NR6A1: variants seen among roughly 807,000 people sequenced by gnomAD.
NR6A1 encodes the protein retinoic acid receptor-related testis-associated receptor.
NR6A1 carries 7 observed loss-of-function variants against 59.1 expected under a neutral mutation model. The ratio of observed to expected loss-of-function variants is 0.12; its 90% confidence interval spans 0.07 to 0.22. NR6A1 has a LOEUF of 0.22. Among genes scored for constraint, NR6A1 ranks in the 10% least tolerant of loss-of-function variants. The pLI, the probability that NR6A1 is intolerant of heterozygous loss-of-function variation, is 1.00. For missense variants in NR6A1, 468 were observed against 611.6 expected, an observed-to-expected ratio of 0.77 and a Z score of 2.48; for synonymous variants, 243 against 236.1, an observed-to-expected ratio of 1.03 and a Z score of -0.27.
At chr9:124,636,713 G>C (rs564070938) in intron 2 of NR6A1, among the ~76,000 whole-genome samples, 1 of 152,278 alleles carries the variant, frequency 6.6e-6, no homozygotes, top group South Asian at 2.1e-4. Flanking sequence ...CTATGTCAAA[G>C]ATCAGTTGAC....
At chr9:124,739,187 CAAA>C (rs914049465) in intron 1 of NR6A1, among the ~76,000 whole-genome samples, 3 of 80,452 alleles carry the variant, frequency 3.7e-5, no homozygotes, top group Non-Finnish European at 5.1e-5. Flanking sequence ...GACTCCATCT[CAAA>C]AAAAAAAAAA....
At chr9:124,693,512 C>T (rs1838635199) in intron 2 of NR6A1, among the ~76,000 whole-genome samples, 1 of 152,210 alleles carries the variant, frequency 6.6e-6, no homozygotes, top group African/African-American at 2.4e-5. Flanking sequence ...CCTTCCTTCT[C>T]TGAACCACAG....
At chr9:124,551,126 T>C (rs1331220390) in intron 3 of NR6A1, among the ~76,000 whole-genome samples, 1 of 152,116 alleles carries the variant, frequency 6.6e-6, no homozygotes, top group African/African-American at 2.4e-5. Flanking sequence ...TACCCCAGCC[T>C]TGGAATCAAC....
At chr9:124,650,924 C>T (rs1316432024) in intron 2 of NR6A1, among the ~76,000 whole-genome samples, 2 of 152,210 alleles carry the variant, frequency 1.3e-5, no homozygotes, top group Non-Finnish European at 2.9e-5. Flanking sequence ...ACCACCACCA[C>T]TCTCCAAACC....
At chr9:124,666,601 T>C (rs1355474220) in intron 2 of NR6A1, among the ~76,000 whole-genome samples, 1 of 152,200 alleles carries the variant, frequency 6.6e-6, no homozygotes, top group East Asian at 1.9e-4. Context: ...TCTAATACCA[T>C]TACATTTTGT....
chr9:124,749,608 T>C lies in NR6A1; in HGVS notation c.101-16259A>G, dbSNP rs1840437983. On this transcript the variant is annotated intron_variant, in intron 1 of 9. Transcript: ENST00000487099. Reference sequence around the variant, plus strand: ...CTATGTTGCCCAGGCTGTAGTGCAGTGGCCATTCACAGGAACAATCATAAT... The same window carrying C: ...CTATGTTGCCCAGGCTGTAGTGCAGCGGCCATTCACAGGAACAATCATAAT... Among the ~76,000 whole-genome samples, 4 of 152,056 alleles carry C rather than the reference T, an allele frequency of 2.6e-5. No individual in the cohort carries two copies. The South Asian group carries it at 8.3e-4, about 31-fold the overall frequency.
In NR6A1 at chr9:124,522,729, G is replaced by A. The variant is rs886733887; in HGVS notation, c.1419C>T (p.Cys473=). The change falls in exon 10 of 10, where the codon TGC becomes TGT. Residue 473 remains cysteine (C), a synonymous_variant. Coordinates refer to ENST00000487099, the MANE Select transcript of NR6A1 (RefSeq NM_033334.4). ...GTCATTCCTTGCCCACACTGGTCTTGCAGGAATGCAGCACCACCTTAAAGA... is the reference window on the plus strand; with the variant it reads ...GTCATTCCTTGCCCACACTGGTCTTACAGGAATGCAGCACCACCTTAAAGA... ...PLLFKVVLHS[C]KTSVGKE 3.8e-6 allele frequency: 6 copies of A among 1,588,204 alleles called. No individual in the cohort carries two copies. The African/African-American group carries it at 6.7e-5, about 18-fold the overall frequency.
In NR6A1 at chr9:124,699,689, CT is replaced by C. The variant is rs535684251; in HGVS notation, c.142+33618del. Among the ~76,000 whole-genome samples, 91 of 152,290 alleles carry C rather than the reference CT, an allele frequency of 6.0e-4. 1 individual carries two copies. In the South Asian group the frequency reaches 0.018, roughly 31 times the overall value. ...CTGTTGTAAGTGTATAATTCAATGA[CT>C]TTTATTCATTCATTTATAGACTTGT... On this transcript the variant is annotated intron_variant, in intron 2 of 9. Coordinates refer to ENST00000487099, the MANE Select transcript of NR6A1 (RefSeq NM_033334.4).
chr9:124,761,264 T>C (rs946926944), intron 1 of NR6A1, among the ~76,000 whole-genome samples: 11 of 152,186 alleles, frequency 7.2e-5, no homozygotes, highest in Admixed American at 4.6e-4. Flanking sequence ...GTACATTACA[T>C]GAAACTCCAA....
intron 2 of NR6A1, among the ~76,000 whole-genome samples, chr9:124,667,847 A>C (rs1253616874): frequency 1.3e-5 from 2 of 152,258 alleles, no homozygotes; most frequent in African/African-American, 4.8e-5. Context: ...GAACAAAAAT[A>C]TAAAGACAAA....
chr9:124,640,539 A>G (rs1836741265), intron 2 of NR6A1, among the ~76,000 whole-genome samples: 1 of 152,076 alleles, frequency 6.6e-6, no homozygotes, highest in Admixed American at 6.6e-5. Flanking sequence ...GGCTAGGGCT[A>G]CAGGAGTATG....
At chr9:124,578,197 A>T (rs537430188) in intron 2 of NR6A1, among the ~76,000 whole-genome samples, 2 of 152,276 alleles carry the variant, frequency 1.3e-5, no homozygotes, top group African/African-American at 4.8e-5. Flanking sequence ...CTTTTCTACC[A>T]ATATTCTCTC....
rs537938815 is a variant in NR6A1 at position 124,536,092 on chromosome 9, G to A, written c.865C>T (p.Arg289Cys). 11 of 1,614,046 alleles carry A rather than the reference G, an allele frequency of 6.8e-6. No individual in the cohort carries two copies. Among genetic ancestry groups the A allele is most frequent in the African/African-American group, 1.3e-5 (1 of 75,058 alleles). ...TQAELFALLC[R>C]LADELLFRQI... is the part of the protein sequence containing the mutation. ...CTAAAGAGCAGCTCGTCGGCCAGGC[G>A]GCAAAGCAGGGCAAATAGTTCTGCC... is the stretch of plus-strand genomic sequence containing the variant. The change falls in exon 7 of 10, where the codon CGC (arginine) becomes TGC (cysteine). Residue 289 changes from arginine to cysteine, a missense_variant. Arg to Cys is a radical substitution (Grantham distance 180). Transcript: ENST00000487099.
At chr9:124,588,671 G>A (rs142353881) in intron 2 of NR6A1, among the ~76,000 whole-genome samples, 2,661 of 146,720 alleles carry the variant, frequency 0.018, 81 homozygotes, top group African/African-American at 0.062. Flanking sequence ...GGTAATCCCA[G>A]CACTTTGGGA....
chr9:124,575,117 C>A (rs1834551387), intron 2 of NR6A1, among the ~76,000 whole-genome samples: 1 of 152,306 alleles, frequency 6.6e-6, no homozygotes, highest in Non-Finnish European at 1.5e-5. Context: ...CAAAAGAAGC[C>A]TACCGCCTGT....
chr9:124,685,918 G>T lies in NR6A1; in HGVS notation c.142+47390C>A, dbSNP rs573963030. 2.6e-5 allele frequency among the ~76,000 whole-genome samples: 4 copies of T among 152,246 alleles called. No individual in the cohort carries two copies. The East Asian group carries it at 7.7e-4, about 29-fold the overall frequency. On this transcript the variant is annotated intron_variant, in intron 2 of 9. Transcript: ENST00000487099. Reference sequence around the variant, plus strand: ...TTATGAAAGTATGAGGTAGATCTAAGCATAGCTTTTCTACAGAACACACAT... The same window carrying T: ...TTATGAAAGTATGAGGTAGATCTAATCATAGCTTTTCTACAGAACACACAT...
At chr9:124,646,653 A>C (rs1836938840) in intron 2 of NR6A1, among the ~76,000 whole-genome samples, 1 of 152,204 alleles carries the variant, frequency 6.6e-6, no homozygotes, top group Non-Finnish European at 1.5e-5. Context: ...ACTAACACTA[A>C]CAATAGCTAA....
rs541767235 is a variant in NR6A1, at chr9:124,662,213, C to G, written c.142+71095G>C. On this transcript the variant is annotated intron_variant, in intron 2 of 9. Transcript: ENST00000487099. The stretch of plus-strand genomic sequence containing the variant: ...TCATGGCCAGAGTACGTGAAATGCT[C>G]CAGAATGGTACTAATTTAGTGTCAA... 3.3e-5 allele frequency among the ~76,000 whole-genome samples: 5 copies of G among 152,152 alleles called. No individual in the cohort carries two copies. The East Asian group carries it at 9.7e-4, about 29-fold the overall frequency.
intron 2 of NR6A1, among the ~76,000 whole-genome samples, chr9:124,695,112 T>C (rs1194357251): frequency 6.6e-6 from 1 of 152,204 alleles, no homozygotes; most frequent in Non-Finnish European, 1.5e-5. Flanking sequence ...TTTCATGTCA[T>C]CCACTTTTCA....
Sources: gnomAD v4.1 joint callset for allele counts (sites outside exome capture counted in the v4.1 genomes callset) on GRCh38, gnomAD v4.1.1 for gene constraint, MANE v1.5 for transcripts, NCBI Gene and HGNC (gene_info 2026-07-23, HGNC 2026-07-21) for gene names.